NAA60: variants seen among roughly 807,000 people sequenced by gnomAD.
NAA60 encodes the protein N-alpha-acetyltransferase 60.
Under a neutral mutation model 26.1 loss-of-function variants are expected in NAA60, and 8 were observed. The observed-to-expected ratio is 0.31, with a 90% CI of 0.18 to 0.55. The LOEUF is 0.55. Among genes scored for constraint, NAA60 ranks in the 20% least tolerant of loss-of-function variants. The pLI is 0.93. For synonymous variants in NAA60, 131 were observed against 122.5 expected (o/e 1.07, Z -0.46); for missense variants, 290 against 311.3 (o/e 0.93, Z 0.51).
chr16:3,465,225 C>T (rs1357755071), intron 2 of NAA60, among the ~76,000 whole-genome samples: 2 of 151,026 alleles, frequency 1.3e-5, no homozygotes, highest in Non-Finnish European at 2.9e-5. Flanking sequence ...CGAAATTTTG[C>T]CACTGCACTC....
rs2151021090 is a variant in NAA60, at chr16:3,483,262, C to CT, written c.338-101_338-100insT. The CT allele has an allele frequency of 4.7e-6, 4 of 858,088 alleles. No homozygotes were observed. In the East Asian group the frequency reaches 1.1e-4, roughly 23 times the overall value. 53.2% of individuals were successfully genotyped at this position (858,088 alleles called of 1,614,324 possible). On this transcript the variant is annotated intron_variant, in intron 5 of 7. Transcript: ENST00000407558. ...AAGGCTGGTCTCTGATACGGTGGGC[C>CT]GAGACATCTCCGAGAGACTCATGCA... is the stretch of plus-strand genomic sequence containing the variant.
chr16:3,458,153 C>T (rs932433974), intron 2 of NAA60: 5 of 984,974 alleles, frequency 5.1e-6, no homozygotes, highest in East Asian at 1.1e-4. Flanking sequence ...CCCTACAACA[C>T]CCCCAGCGGC....
In NAA60 at chr16:3,476,154, G is replaced by T. The variant is rs2036468461; in HGVS notation, c.-6-68G>T. 4.8e-6 allele frequency: 6 copies of T among 1,246,020 alleles called. No homozygotes were observed. In the Admixed American group the frequency reaches 1.0e-4, roughly 21 times the overall value. The allele number at this position is 1,246,020 out of a possible 1,614,324, so 77.2% of individuals were successfully genotyped here. ...TGCTCCGTGCTCTTCTGTCTCGCCT[G>T]CCTCACAAGCTGAGCATGAGGAAGA... On this transcript the variant is annotated intron_variant, in intron 2 of 7. Coordinates refer to ENST00000407558, the MANE Select transcript of NAA60 (RefSeq NM_001083601.3).
intron 1 of NAA60, among the ~76,000 whole-genome samples, chr16:3,445,811 T>C (rs1315485445): frequency 1.3e-5 from 2 of 151,842 alleles, no homozygotes; most frequent in African/African-American, 2.4e-5. Context: ...GAGGAAAAAA[T>C]CTTCCCTAGA....
chr16:3,479,761 T>TTC (rs1200262912), intron 4 of NAA60, among the ~76,000 whole-genome samples, 161 bp downstream of exon 4: 2 of 145,638 alleles, frequency 1.4e-5, no homozygotes, highest in African/African-American at 5.5e-5. Flanking sequence ...GCTGGTGCTT[T>TTC]TCTGTGTGTG....
intron 2 of NAA60, chr16:3,449,114 C>G (rs931396689): frequency 8.5e-5 from 13 of 152,356 alleles, no homozygotes; most frequent in African/African-American, 2.9e-4. Context: ...TGGCTCACGC[C>G]TGTAATCCCA....
At chr16:3,445,024 A>C (rs1206252403) in intron 1 of NAA60, among the ~76,000 whole-genome samples, 1 of 152,232 alleles carries the variant, frequency 6.6e-6, no homozygotes, top group African/African-American at 2.4e-5. Flanking sequence ...ATCTCTTGAC[A>C]GCTAACTAAG....
At chr16:3,458,388 C>G (rs2035135468) in intron 2 of NAA60, among the ~76,000 whole-genome samples, 1 of 152,026 alleles carries the variant, frequency 6.6e-6, no homozygotes, top group African/African-American at 2.4e-5. Context: ...GGAGTGGGCG[C>G]TGGCCAGGGA....
chr16:3,483,487 C>A lies in NAA60; in HGVS notation c.462C>A (p.Asp154Glu). The A allele has an allele frequency of 1.2e-6, 2 of 1,614,026 alleles. No homozygotes were observed. The highest frequency in any genetic ancestry group is 1.7e-6 in the Non-Finnish European group (2 of 1,179,876). The change falls in exon 6 of 8, where the codon GAC becomes GAA. Residue 154 changes from aspartate (D) to glutamate (E), a missense_variant. Coordinates refer to ENST00000407558, the MANE Select transcript of NAA60 (RefSeq NM_001083601.3). ...CAATAAACTTCTATGAAAACAGAGACTTCAAGCAGCACCACTATCTCCCCT... is the reference window on the plus strand; with the variant it reads ...CAATAAACTTCTATGAAAACAGAGAATTCAAGCAGCACCACTATCTCCCCT... ...NTAINFYENR[D>E]FKQHHYLPYY...
intron 2 of NAA60, among the ~76,000 whole-genome samples, chr16:3,474,907 G>A (rs1400426484): frequency 6.6e-6 from 1 of 152,202 alleles, no homozygotes; most frequent in African/African-American, 2.4e-5. Context: ...TAAAAAAGGA[G>A]GATGAATGCA....
chr16:3,443,970 TG>T, intron 1 of NAA60, 133 bp downstream of exon 1: 5 of 1,380,884 alleles, frequency 3.6e-6, no homozygotes, highest in Non-Finnish European at 4.7e-6. Flanking sequence ...GGTGGGGCCG[TG>T]GAACATGAAG....
At chr16:3,443,935 G>C in intron 1 of NAA60, 98 bp downstream of exon 1, 1 of 1,434,960 alleles carries the variant, frequency 7.0e-7, no homozygotes, top group East Asian at 2.6e-5. Flanking sequence ...CTGGGCTTGA[G>C]CTGTCCTTTG....
chr16:3,474,399 C>T (rs777422911), intron 2 of NAA60, among the ~76,000 whole-genome samples: 7 of 152,214 alleles, frequency 4.6e-5, no homozygotes, highest in Non-Finnish European at 5.9e-5. Context: ...CAGCAGAGAA[C>T]CACCCTGGGG....
At chr16:3,459,420 G>C (rs1464847888) in intron 2 of NAA60, among the ~76,000 whole-genome samples, 1 of 152,198 alleles carries the variant, frequency 6.6e-6, no homozygotes, top group Non-Finnish European at 1.5e-5. Flanking sequence ...ACACATATCA[G>C]TGAACTGCTT....
chr16:3,460,866 T>C (rs1468610106), intron 2 of NAA60, among the ~76,000 whole-genome samples: 1 of 152,236 alleles, frequency 6.6e-6, no homozygotes, highest in Non-Finnish European at 1.5e-5. Flanking sequence ...TAGTTGTGAG[T>C]GCCTTGAAGT....
At chr16:3,458,301 C>A in intron 2 of NAA60, 1 of 636,624 alleles carries the variant, frequency 1.6e-6, no homozygotes, top group Non-Finnish European at 2.0e-6. Flanking sequence ...TACGAGCGCG[C>A]TGGTGAGGCA....
In NAA60 at chr16:3,484,701, A is replaced by C. The variant is rs1203306737; in HGVS notation, c.575A>C (p.Asp192Ala). 2 of 1,589,988 alleles carry C rather than the reference A, an allele frequency of 1.3e-6. No individual in the cohort carries two copies. Among genetic ancestry groups the C allele is most frequent in the African/African-American group, 1.3e-5 (1 of 74,216 alleles). Residue 192 changes from aspartate (D) to alanine (A), a missense_variant and splice_region_variant, in exon 7 of 8, where the codon GAC becomes GCC. Coordinates refer to ENST00000407558, the MANE Select transcript of NAA60 (RefSeq NM_001083601.3). ...AATCTTCCTTAACAGAGCCCCACGG[A>C]CTACATCCAGCACCTGGGCTCTGCA... ...NGGHPPWTIL[D>A]YIQHLGSALA...
At chr16:3,451,555 T>A (rs1397523255) in intron 2 of NAA60, among the ~76,000 whole-genome samples, 1 of 152,240 alleles carries the variant, frequency 6.6e-6, no homozygotes, top group Admixed American at 6.5e-5. Context: ...ATAGAAAAGG[T>A]GATCAAACTT....
At chr16:3,454,828 T>C (rs952054593) in intron 2 of NAA60, among the ~76,000 whole-genome samples, 1 of 152,120 alleles carries the variant, frequency 6.6e-6, no homozygotes, top group African/African-American at 2.4e-5. Flanking sequence ...TTAAACCAGT[T>C]AGGGAACACA....
Sources: allele counts gnomAD v4.1 joint callset (sites outside exome capture counted in the v4.1 genomes callset), GRCh38; gene constraint gnomAD v4.1.1; transcripts MANE v1.5; gene names NCBI Gene and HGNC (gene_info 2026-07-23, HGNC 2026-07-21).